The following CLTCL1 variants were observed in gnomAD, a reference collection of about 807,000 sequenced individuals.
CLTCL1 encodes the protein clathrin heavy chain like 1, also known as clathrin heavy chain 2.
A neutral mutation model predicts 190.0 loss-of-function variants in CLTCL1; 159 were observed. That is an observed-to-expected ratio of 0.84 (90% CI 0.74 to 0.95). CLTCL1 has a LOEUF of 0.95. CLTCL1 is among the 40% of genes least tolerant of loss of function. The probability of loss-of-function intolerance (pLI) is 0.00; values close to 1 mark genes in which losing one functional copy is unlikely to be tolerated. For missense variants in CLTCL1, 1,878 were observed against 2,033.4 expected (o/e 0.92, Z 1.47); for synonymous variants, 752 against 769.6 (o/e 0.98, Z 0.38).
At chr22:19,201,783 TGAG>T (rs1271276623) in intron 22 of CLTCL1, among the ~76,000 whole-genome samples, 9 of 152,112 alleles carry the variant, frequency 5.9e-5, no homozygotes, top group South Asian at 2.1e-4. Flanking sequence ...GGGCCTGGGC[TGAG>T]GAGGTGTGCT....
chr22:19,285,001 C>A (rs140782585), intron 1 of CLTCL1, among the ~76,000 whole-genome samples: 2 of 145,348 alleles, frequency 1.4e-5, no homozygotes, highest in African/African-American at 5.1e-5. Flanking sequence ...ACACGCTGGG[C>A]GCGGTGGCTC....
intron 4 of CLTCL1, among the ~76,000 whole-genome samples, chr22:19,239,948 C>CT (rs34417269): frequency 0.023 from 3,121 of 137,236 alleles, 46 homozygotes; most frequent in African/African-American, 0.025. Context: ...TCTTTTTCTT[C>CT]TTTTTTTTTT....
rs1555993877 is a variant in CLTCL1, at chr22:19,291,623, C to G, written c.19G>C (p.Val7Leu). 17 of 1,404,518 alleles carry G rather than the reference C, an allele frequency of 1.2e-5. No homozygotes were observed. Among genetic ancestry groups the G allele is most frequent in the Non-Finnish European group, 1.5e-5 (16 of 1,065,444 alleles). 87.0% of individuals were successfully genotyped at this position (1,404,518 alleles called of 1,614,324 possible). ...ACCTGGAAGTGCTCCTGAAAGCGAACAGGGAGGATCTGCGCCATGGCTGGT... is the reference window on the plus strand; with the variant it reads ...ACCTGGAAGTGCTCCTGAAAGCGAAGAGGGAGGATCTGCGCCATGGCTGGT... The part of the protein sequence containing the change: MAQILP[V>L]RFQEHFQLQN... Residue 7 changes from valine (V) to leucine (L), a missense_variant, in exon 1 of 33, where the codon GTT (valine) becomes CTT (leucine). Transcript: ENST00000427926.
In CLTCL1 at chr22:19,201,019, C is replaced by T. The variant is rs188273669; in HGVS notation, c.3765+310G>A. Among the ~76,000 whole-genome samples, 1,094 of 152,246 alleles carry T rather than the reference C, an allele frequency of 7.2e-3. 17 individuals are homozygous for T. Among genetic ancestry groups the T allele is most frequent in the South Asian group, 0.05 (241 of 4,822 alleles). ...CAATTTACCAATTTGCCACAAAGGA[C>T]CAATAATGTAAATTTACACTGATTA... is the stretch of plus-strand genomic sequence containing the variant. On this transcript the variant is annotated intron_variant, in intron 23 of 32. Transcript: ENST00000427926.
chr22:19,247,734 T>C (rs1380805817), intron 3 of CLTCL1, among the ~76,000 whole-genome samples: 1 of 151,990 alleles, frequency 6.6e-6, no homozygotes, highest in Admixed American at 6.5e-5. Context: ...CTAATTTTTG[T>C]ATTTTTAGTA....
intron 2 of CLTCL1, among the ~76,000 whole-genome samples, chr22:19,262,556 C>T (rs1459759027): frequency 8.1e-5 from 12 of 148,826 alleles, no homozygotes; most frequent in African/African-American, 3.0e-4. Flanking sequence ...GGCATGAACC[C>T]GGGAGGCGGA....
chr22:19,197,326 T>C (rs1420799058), intron 24 of CLTCL1, among the ~76,000 whole-genome samples: 3 of 151,996 alleles, frequency 2.0e-5, no homozygotes, highest in Non-Finnish European at 4.4e-5. Flanking sequence ...CTAACCTCAT[T>C]TCCCAGTGGC....
intron 27 of CLTCL1, 80 bp downstream of exon 27, chr22:19,191,220 CTCTT>C (rs1237595512): frequency 6.5e-7 from 1 of 1,543,320 alleles, no homozygotes; most frequent in Non-Finnish European, 8.8e-7. Context: ...ATTTCAAAAA[CTCTT>C]TATAAAGGTG....
intron 7 of CLTCL1, 72 bp from the exon 8 acceptor site, chr22:19,233,694 G>A: frequency 7.0e-7 from 1 of 1,433,404 alleles, no homozygotes; most frequent in Non-Finnish European, 9.6e-7. Flanking sequence ...TTCCTTGTAT[G>A]TAAAAACAAA....
chr22:19,192,336 A>G (rs1282591581), intron 26 of CLTCL1, among the ~76,000 whole-genome samples: 1 of 152,090 alleles, frequency 6.6e-6, no homozygotes, highest in Non-Finnish European at 1.5e-5. Flanking sequence ...AAGTGCTGGG[A>G]TTACAGGCGT....
chr22:19,255,012 C>T lies in CLTCL1; in HGVS notation c.251-785G>A, dbSNP rs1321585140. Among the ~76,000 whole-genome samples the T allele has an allele frequency of 5.9e-5, 9 of 152,082 alleles. No individual in the cohort carries two copies. The East Asian group carries it at 1.7e-3, about 29-fold the overall frequency. ...CCTAACATAAAATATTAAAATATTG[C>T]TTCCCACAAAGATTGGGAACAAGGC... On this transcript the variant is annotated intron_variant, in intron 2 of 32. Transcript: ENST00000427926.
At position 19,291,661 on chromosome 22, in the gene CLTCL1, C is replaced by G; in HGVS notation, c.-20G>C. 1.5e-6 allele frequency: 2 copies of G among 1,365,324 alleles called. No individual in the cohort carries two copies. The highest frequency in any genetic ancestry group is 1.9e-6 in the Non-Finnish European group (2 of 1,046,362). The allele number at this position is 1,365,324 out of a possible 1,614,324, so 84.6% of individuals were successfully genotyped here. ...CGCCATGGCTGGTGCGGGACCTCGG[C>G]GGCGGCGGCGGCAGCGGCAGGAATG... On this transcript the variant is annotated 5_prime_UTR_variant, in exon 1 of 33. Transcript: ENST00000427926.
chr22:19,248,795 C>A (rs988110403), intron 3 of CLTCL1, among the ~76,000 whole-genome samples: 1 of 152,134 alleles, frequency 6.6e-6, no homozygotes, highest in Non-Finnish European at 1.5e-5. Context: ...GGGTGATCTG[C>A]CTGCCTCAGC....
chr22:19,253,155 G>C (rs1164455004), intron 3 of CLTCL1, among the ~76,000 whole-genome samples: 5 of 151,944 alleles, frequency 3.3e-5, no homozygotes, highest in African/African-American at 1.2e-4. Context: ...ATGCTTTTTA[G>C]TGTTTCAAAT....
chr22:19,239,241 A>G, intron 5 of CLTCL1, 34 bp downstream of exon 5: 1 of 1,506,406 alleles, frequency 6.6e-7, no homozygotes, highest in Non-Finnish European at 9.2e-7. Flanking sequence ...AGATTTTAGG[A>G]CATGAAGATG....
intron 1 of CLTCL1, among the ~76,000 whole-genome samples, chr22:19,276,914 C>G (rs560339107): frequency 4.6e-5 from 7 of 152,062 alleles, no homozygotes; most frequent in African/African-American, 1.7e-4. Flanking sequence ...CCTCGTGATC[C>G]GCCCTCCTTG....
intron 27 of CLTCL1, among the ~76,000 whole-genome samples, 166 bp downstream of exon 27, chr22:19,191,138 C>T (rs1379524375): frequency 1.3e-5 from 2 of 152,140 alleles, no homozygotes; most frequent in South Asian, 2.1e-4. Flanking sequence ...AAGCATGATA[C>T]GGGAGGTATT....
intron 2 of CLTCL1, among the ~76,000 whole-genome samples, chr22:19,267,180 G>C (rs896340824): frequency 1.3e-5 from 2 of 151,726 alleles, no homozygotes; most frequent in Non-Finnish European, 2.9e-5. Flanking sequence ...ATACTAGCAA[G>C]AAACAATCCA....
rs782037652 is a variant in CLTCL1 at position 19,196,612 on chromosome 22, G to A, written c.3918C>T (p.Ala1306=). The A allele has an allele frequency of 1.9e-6, 3 of 1,613,538 alleles. No individual in the cohort carries two copies. The highest frequency in any genetic ancestry group is 2.7e-5 in the African/African-American group (2 of 74,946). The change falls in exon 25 of 33, where the codon GCC becomes GCT. Residue 1306 remains alanine (A), a synonymous_variant. Transcript: ENST00000427926. ...FEELILLLEA[A]LGLERAHMGM... is the part of the protein sequence containing the mutation. ...CCATGTGGGCCCGCTCCAGGCCCAGGGCCGCTTCCAACAGCAAGATCAGCT... is the reference window on the plus strand; with the variant it reads ...CCATGTGGGCCCGCTCCAGGCCCAGAGCCGCTTCCAACAGCAAGATCAGCT...
Sources: allele counts gnomAD v4.1 joint callset (sites outside exome capture counted in the v4.1 genomes callset), GRCh38; gene constraint gnomAD v4.1.1; transcripts MANE v1.5; gene names NCBI Gene and HGNC (gene_info 2026-07-23, HGNC 2026-07-21).